The following ANKRD11 variants were observed in gnomAD, a reference collection of about 807,000 sequenced individuals.
ANKRD11 encodes the protein ankyrin repeat domain-containing protein 11.
ANKRD11 carries 17 observed loss-of-function variants against 195.7 expected under a neutral mutation model. The ratio of observed to expected loss-of-function variants is 0.09; its 90% CI spans 0.06 to 0.13. The LOEUF is 0.13. Among genes scored for constraint, ANKRD11 ranks in the 10% least tolerant of loss-of-function variants. ANKRD11 has a pLI of 1.00. For synonymous variants in ANKRD11, 1,953 were observed against 1,528.1 expected (o/e 1.28, Z -6.49); for missense variants, 3,735 against 3,566.1 (o/e 1.05, Z -1.21).
At chr16:89,345,507 G>C (rs2038898895) in intron 2 of ANKRD11, among the ~76,000 whole-genome samples, 1 of 152,212 alleles carries the variant, frequency 6.6e-6, no homozygotes, top group East Asian at 1.9e-4. Flanking sequence ...AGGCCCTCCA[G>C]TGGCCCCAGG....
At chr16:89,358,542 C>T (rs188122458) in intron 2 of ANKRD11, among the ~76,000 whole-genome samples, 12 of 152,256 alleles carry the variant, frequency 7.9e-5, no homozygotes, top group African/African-American at 2.6e-4. Flanking sequence ...CATTGCATGC[C>T]TATATCAAAA....
intron 4 of ANKRD11, chr16:89,300,844 A>G: frequency 1.4e-6 from 1 of 701,848 alleles, no homozygotes. Flanking sequence ...AGAAAATCAT[A>G]ATTTTTCCCC....
intron 2 of ANKRD11, among the ~76,000 whole-genome samples, chr16:89,380,375 G>A (rs2040592384): frequency 6.6e-6 from 1 of 152,148 alleles, no homozygotes; most frequent in Non-Finnish European, 1.5e-5. Flanking sequence ...GCCTCCCAAA[G>A]TGCTGGGATT....
At chr16:89,465,278 G>C (rs954528888) in intron 1 of ANKRD11, among the ~76,000 whole-genome samples, 2 of 152,102 alleles carry the variant, frequency 1.3e-5, no homozygotes, top group Non-Finnish European at 2.9e-5. Flanking sequence ...ATATAAAAAA[G>C]TCACAATCTA....
At chr16:89,423,013 C>T (rs2152246430) in intron 1 of ANKRD11, among the ~76,000 whole-genome samples, 1 of 152,340 alleles carries the variant, frequency 6.6e-6, no homozygotes, top group African/African-American at 2.4e-5. Flanking sequence ...CTAACCCCAA[C>T]TGACAGCAGA....
At chr16:89,458,552 T>A (rs1189535906) in intron 1 of ANKRD11, among the ~76,000 whole-genome samples, 1 of 152,164 alleles carries the variant, frequency 6.6e-6, no homozygotes, top group Non-Finnish European at 1.5e-5. Flanking sequence ...GGAATAACAT[T>A]TTACATTAAA....
At chr16:89,488,593 G>A (rs1430202024) in intron 1 of ANKRD11, among the ~76,000 whole-genome samples, 4 of 152,148 alleles carry the variant, frequency 2.6e-5, no homozygotes, top group Admixed American at 2.0e-4. Context: ...AACAGCCTCA[G>A]GGTCTCCGAT....
At chr16:89,369,622 C>T (rs11860332) in intron 2 of ANKRD11, among the ~76,000 whole-genome samples, 5,708 of 152,222 alleles carry the variant, frequency 0.037, 184 homozygotes, top group African/African-American at 0.08. Context: ...GGAGGGGGTG[C>T]GGTCACAGAA....
intron 3 of ANKRD11, among the ~76,000 whole-genome samples, chr16:89,308,621 C>G (rs541116013): frequency 6.6e-6 from 1 of 152,168 alleles, no homozygotes; most frequent in Non-Finnish European, 1.5e-5. Flanking sequence ...AGCAAACGCC[C>G]GGGAGGCTTT....
chr16:89,330,270 A>C (rs954684851), intron 2 of ANKRD11, among the ~76,000 whole-genome samples: 1 of 152,030 alleles, frequency 6.6e-6, no homozygotes, highest in African/African-American at 2.4e-5. Context: ...TGCAGCCACC[A>C]CCACACCAGG....
Position 89,281,687 on chromosome 16 carries a change from T to G in ANKRD11, c.4855A>C (p.Lys1619Gln). Residue 1619 changes from lysine to glutamine, a missense_variant, in exon 9 of 13, where the codon AAG becomes CAG. Transcript: ENST00000301030. The surrounding 1 kb of genome is among the most constrained non-coding windows in gnomAD (Gnocchi z 5.5). ...EKLRHRSGDP[K>Q]LKEKAKPADD... is the part of the protein sequence containing the mutation. ...GCCGGCTTCGCCTTCTCCTTGAGCTTGGGGTCTCCGGACCGGTGCCTCAGC... is the reference window on the plus strand; with the variant it reads ...GCCGGCTTCGCCTTCTCCTTGAGCTGGGGGTCTCCGGACCGGTGCCTCAGC... The G allele has an allele frequency of 6.2e-7, 1 of 1,614,164 alleles. No homozygotes were observed. Among genetic ancestry groups the G allele is most frequent in the Non-Finnish European group, 8.5e-7 (1 of 1,180,038 alleles).
chr16:89,317,055 C>T lies in ANKRD11; in HGVS notation c.-36G>A, dbSNP rs763022531. 17 of 1,597,834 alleles carry T rather than the reference C, an allele frequency of 1.1e-5. No individual in the cohort carries two copies. The East Asian group carries it at 1.4e-4, about 13-fold the overall frequency. On this transcript the variant is annotated 5_prime_UTR_variant, in exon 3 of 13. Coordinates refer to ENST00000301030, the MANE Select transcript of ANKRD11 (RefSeq NM_013275.6). ...CTCACCCGATCTTCATTTACACGGC[C>T]GGCGCTTCATCATCAACCGTCTGCT...
chr16:89,282,978 T>G lies in ANKRD11; in HGVS notation c.3564A>C (p.Arg1188=), dbSNP rs2151754473. The change falls in exon 9 of 13, where the codon CGA becomes CGC. Residue 1188 remains arginine (R), a synonymous_variant. Coordinates refer to ENST00000301030, the MANE Select transcript of ANKRD11 (RefSeq NM_013275.6). ...TGTCTCTCCCCGCGTCGGCAGCCCC[T>G]CGGTCCTTTCTCCTGTCTCTGGGCT... is the stretch of plus-strand genomic sequence containing the variant. ...DKEPRDRRKD[R]GAADAGRDKK... 1.2e-6 allele frequency: 2 copies of G among 1,613,688 alleles called. No homozygotes were observed. The highest frequency in any genetic ancestry group is 1.7e-6 in the Non-Finnish European group (2 of 1,180,016).
Position 89,284,337 on chromosome 16 carries a change from C to A in ANKRD11, c.2205G>T (p.Glu735Asp), listed in dbSNP as rs781703606. The change falls in exon 9 of 13, where the codon GAG becomes GAT. Residue 735 changes from glutamate to aspartate, a missense_variant. Glu to Asp is a conservative substitution (Grantham distance 45, BLOSUM62 2). Coordinates refer to ENST00000301030, the MANE Select transcript of ANKRD11 (RefSeq NM_013275.6). ...TTTCTGCTTTATTCGAACGGTCTTT[C>A]TCTTCTCGGAAAGACCTGCTGATGT... Reference protein sequence around the residue: ...NKDISRSFREEKDRSNKAEKE... With the variant: ...NKDISRSFREDKDRSNKAEKE... 1 of 1,613,906 alleles carries A rather than the reference C, an allele frequency of 6.2e-7. No individual in the cohort carries two copies. Among genetic ancestry groups the A allele is most frequent in the Middle Eastern group, 1.6e-4 (1 of 6,062 alleles).
intron 1 of ANKRD11, among the ~76,000 whole-genome samples, chr16:89,437,088 C>T (rs975062900): frequency 1.3e-5 from 2 of 152,172 alleles, no homozygotes; most frequent in East Asian, 3.8e-4. Context: ...ACAACACACA[C>T]CCAAACGGCA....
chr16:89,270,067 A>ACT (rs1039516574), intron 12 of ANKRD11: 1 of 154,570 alleles, frequency 6.5e-6, no homozygotes, highest in Non-Finnish European at 1.4e-5. Context: ...GCTGGCCAGA[A>ACT]ATGCACACTC....
intron 12 of ANKRD11, among the ~76,000 whole-genome samples, chr16:89,269,344 T>A (rs752745289): frequency 1.3e-5 from 2 of 152,176 alleles, no homozygotes; most frequent in Non-Finnish European, 2.9e-5. Context: ...GGTTTTGCGA[T>A]GTTGGCGAGC....
rs1345992334 is a variant in ANKRD11 at position 89,290,799 on chromosome 16, A to G, written c.427T>C (p.Ser143Pro). Residue 143 changes from serine to proline, a missense_variant, in exon 6 of 13, where the codon TCT (serine) becomes CCT (proline). Coordinates refer to ENST00000301030, the MANE Select transcript of ANKRD11 (RefSeq NM_013275.6). ...GGCGTTCCCTTCTGACACACTGTAG[A>G]CTGGGAGGGGTGCTTTGGTGTTGTG... ...VDTTPKHPSQ[S>P]TVCQKGTPNS... 6.2e-7 allele frequency: 1 copy of G among 1,613,810 alleles called. No individual in the cohort carries two copies. Among genetic ancestry groups the G allele is most frequent in the Non-Finnish European group, 8.5e-7 (1 of 1,179,958 alleles).
chr16:89,482,106 G>A (rs2057464122), intron 1 of ANKRD11, among the ~76,000 whole-genome samples: 2 of 152,166 alleles, frequency 1.3e-5, no homozygotes. Context: ...AGCAGCCAAT[G>A]AACATCTGTG....
Sources: gnomAD v4.1 joint callset for allele counts (sites outside exome capture counted in the v4.1 genomes callset) on GRCh38, gnomAD v4.1.1 for gene constraint, Gnocchi (gnomAD v3.1) non-coding constraint, MANE v1.5 for transcripts, NCBI Gene and HGNC (gene_info 2026-07-23, HGNC 2026-07-21) for gene names.